The following OPRM1 variants were observed in gnomAD, a reference collection of about 807,000 sequenced individuals.
OPRM1 encodes mu-type opioid receptor.
A neutral mutation model predicts 31.8 loss-of-function variants in OPRM1; 27 were observed. That is an observed-to-expected ratio of 0.85 (90% CI 0.63 to 1.17). OPRM1 has a LOEUF of 1.17. OPRM1 is among the 50% of genes most tolerant of loss of function. The probability of loss-of-function intolerance (pLI) is 0.00; values close to 1 mark genes in which losing one functional copy is unlikely to be tolerated. For missense variants in OPRM1, 536 were observed against 511.1 expected (o/e 1.05, Z -0.47); for synonymous variants, 196 against 189.9 (o/e 1.03, Z -0.26).
chr6:154,083,118 A>C (rs1789550805), intron 1 of OPRM1, among the ~76,000 whole-genome samples: 2 of 152,192 alleles, frequency 1.3e-5, no homozygotes, highest in Admixed American at 1.3e-4. Flanking sequence ...ATGGGAAAGC[A>C]AGGTCTCTTG....
chr6:154,038,188 G>A (rs1779433108), upstream of OPRM1, among the ~76,000 whole-genome samples: 1 of 152,146 alleles, frequency 6.6e-6, no homozygotes, highest in Non-Finnish European at 1.5e-5. Flanking sequence ...TTCCCTCCCT[G>A]CTCCCTGAAA....
chr6:154,171,926 C>T (rs1200395899), intron 3 of OPRM1, among the ~76,000 whole-genome samples: 1 of 152,102 alleles, frequency 6.6e-6, no homozygotes, highest in Non-Finnish European at 1.5e-5. Flanking sequence ...GCTTTCAATA[C>T]CACAGTATTT....
At chr6:154,039,091 T>A (rs1008051180), upstream of OPRM1, 1 of 1,475,014 alleles carries the variant, frequency 6.8e-7, no homozygotes, top group African/African-American at 1.4e-5. Flanking sequence ...CCCCCTTTCT[T>A]ATTTTTCACT....
intron 3 of OPRM1, among the ~76,000 whole-genome samples, chr6:154,092,551 T>C (rs1034024350): frequency 5.3e-5 from 8 of 152,126 alleles, no homozygotes; most frequent in African/African-American, 1.9e-4. Flanking sequence ...GAGAAATGAA[T>C]AGCAAGTCAA....
At chr6:154,158,275 CA>C (rs1468179441) in intron 3 of OPRM1, 1 of 152,080 alleles carries the variant, frequency 6.6e-6, no homozygotes, top group Admixed American at 6.6e-5. Flanking sequence ...TAGGCAGGGC[CA>C]ACATGGGTAC....
chr6:154,100,887 ATATATG>A (rs1276685586), intron 3 of OPRM1, among the ~76,000 whole-genome samples: 1 of 148,482 alleles, frequency 6.7e-6, no homozygotes, highest in African/African-American at 2.4e-5. Flanking sequence ...AAATATAAAT[ATATATG>A]TATATATAAT....
intron 3 of OPRM1, among the ~76,000 whole-genome samples, chr6:154,153,812 AGT>A (rs1266196855): frequency 6.6e-6 from 1 of 152,096 alleles, no homozygotes; most frequent in East Asian, 1.9e-4. Context: ...TAGCCCAGGG[AGT>A]GGGCAAAGAA....
At position 154,122,083 on chromosome 6, in the gene OPRM1, A is replaced by G. The variant is rs1797335515; in HGVS notation, c.*3362A>G. On this transcript the variant is annotated 3_prime_UTR_variant, in exon 4 of 4. Coordinates refer to ENST00000330432, the MANE Select transcript of OPRM1 (RefSeq NM_000914.5). ...TATCCGTTGTGGTTTTACAAATTCTAGAGGGTTCTAGCCAAAGCAACCTAA... is the reference window on the plus strand; with the variant it reads ...TATCCGTTGTGGTTTTACAAATTCTGGAGGGTTCTAGCCAAAGCAACCTAA... Among the ~76,000 whole-genome samples, 1 of 152,198 alleles carries G rather than the reference A, an allele frequency of 6.6e-6. No homozygotes were observed. The highest frequency in any genetic ancestry group is 2.4e-5 in the African/African-American group (1 of 41,460).
chr6:154,100,613 A>G (rs551182848), intron 3 of OPRM1, among the ~76,000 whole-genome samples: 18 of 151,990 alleles, frequency 1.2e-4, no homozygotes, highest in African/African-American at 4.3e-4. Context: ...TTTAAGAATG[A>G]ATATATAGAA....
chr6:154,142,992 C>T (rs1405941590), intron 3 of OPRM1, among the ~76,000 whole-genome samples: 1 of 152,112 alleles, frequency 6.6e-6, no homozygotes, highest in Non-Finnish European at 1.5e-5. Flanking sequence ...TTCCAGGTTC[C>T]ATACCAATCA....
chr6:154,024,964 G>C (rs1280152967), intron 1 of OPRM1, among the ~76,000 whole-genome samples: 1 of 151,992 alleles, frequency 6.6e-6, no homozygotes, highest in Non-Finnish European at 1.5e-5. Context: ...CCATCCTTGA[G>C]AATGCTTCAT....
intron 3 of OPRM1, among the ~76,000 whole-genome samples, chr6:154,172,170 T>C (rs923763345): frequency 2.6e-5 from 4 of 152,220 alleles, no homozygotes; most frequent in Non-Finnish European, 5.9e-5. Flanking sequence ...TTATCATTGC[T>C]TCCAAGATAG....
intron 1 of OPRM1, among the ~76,000 whole-genome samples, chr6:154,045,402 C>G (rs998542021): frequency 1.8e-4 from 28 of 152,262 alleles, no homozygotes; most frequent in African/African-American, 6.7e-4. Flanking sequence ...GATGTAGACA[C>G]TTATTTCAAG....
chr6:154,115,062 G>A (rs1371544552), intron 3 of OPRM1, among the ~76,000 whole-genome samples: 1 of 152,186 alleles, frequency 6.6e-6, no homozygotes, highest in Non-Finnish European at 1.5e-5. Flanking sequence ...CCTGGGAGCC[G>A]CAAAAGTAGT....
chr6:154,133,125 A>G (rs1402303267), downstream of OPRM1, among the ~76,000 whole-genome samples: 1 of 151,808 alleles, frequency 6.6e-6, no homozygotes, highest in Non-Finnish European at 1.5e-5. Context: ...CATCTCAAAA[A>G]AAAAAAAAAA....
chr6:154,160,045 G>A, intron 3 of OPRM1: 1 of 1,601,904 alleles, frequency 6.2e-7, no homozygotes, highest in South Asian at 1.1e-5. Flanking sequence ...TTTACACTGT[G>A]TGAGTAGAAA....
At chr6:154,018,591 C>G (rs117933112) in intron 1 of OPRM1, among the ~76,000 whole-genome samples, 1,877 of 146,362 alleles carry the variant, frequency 0.013, 10 homozygotes, top group Non-Finnish European at 0.02. Context: ...ATAATAAAAA[C>G]AGATTAAGTC....
rs370825223 is a variant in OPRM1, at chr6:154,148,126, A to G, written c.1164+56654A>G. ...GAAAGAACCACATGATCCCATGATT[A>G]TGTGCCCACTGCCTCACTTCCTTGG... On this transcript the variant is annotated intron_variant, in intron 3 of 3. Transcript: ENST00000337049. Among the ~76,000 whole-genome samples, 101 of 152,276 alleles carry G rather than the reference A, an allele frequency of 6.6e-4. 1 individual carries two copies. The highest frequency in any genetic ancestry group is 6.8e-3 in the Middle Eastern group (2 of 294).
intron 3 of OPRM1, among the ~76,000 whole-genome samples, chr6:154,245,376 A>G (rs1309609879): frequency 6.6e-6 from 1 of 152,158 alleles, no homozygotes; most frequent in Non-Finnish European, 1.5e-5. Context: ...GTTTGGGGGC[A>G]GAGCAGCAGA....
Sources: gnomAD v4.1 joint callset for allele counts (sites outside exome capture counted in the v4.1 genomes callset) on GRCh38, gnomAD v4.1.1 for gene constraint, MANE v1.5 for transcripts, NCBI Gene and HGNC (gene_info 2026-07-23, HGNC 2026-07-21) for gene names.